MICU1: variants seen among roughly 807,000 people sequenced by gnomAD.
MICU1 encodes the protein mitochondrial calcium uptake 1.
MICU1 carries 45 observed loss-of-function variants against 56.8 expected under a neutral mutation model. That is an observed-to-expected ratio of 0.79 (90% confidence interval 0.62 to 1.02). The LOEUF is 1.02. Ranked by LOEUF, MICU1 falls within the 50% of genes least tolerant of loss-of-function variation. MICU1 has a pLI of 0.00. For missense variants in MICU1, 504 were observed against 587.1 expected (o/e 0.86, Z 1.46); for synonymous variants, 186 against 195.1 (o/e 0.95, Z 0.39).
At chr10:72,493,214 CACACACACAT>C (rs1866725104) in intron 6 of MICU1, among the ~76,000 whole-genome samples, 1 of 151,486 alleles carries the variant, frequency 6.6e-6, no homozygotes, top group African/African-American at 2.4e-5. Flanking sequence ...CACACACACC[CACACACACAT>C]ACACACACAA....
chr10:72,410,796 C>T (rs975911789), intron 9 of MICU1, among the ~76,000 whole-genome samples: 1 of 152,186 alleles, frequency 6.6e-6, no homozygotes, highest in Non-Finnish European at 1.5e-5. Flanking sequence ...TCTCATTATG[C>T]ATACCATAGT....
At chr10:72,480,727 A>C (rs1866268400) in intron 6 of MICU1, among the ~76,000 whole-genome samples, 1 of 152,196 alleles carries the variant, frequency 6.6e-6, no homozygotes, top group Non-Finnish European at 1.5e-5. Context: ...CTCTCTCCAC[A>C]ATTACAGAGG....
intron 1 of MICU1, among the ~76,000 whole-genome samples, chr10:72,586,011 T>TC (rs1426411186): frequency 4.8e-5 from 6 of 124,902 alleles, no homozygotes; most frequent in African/African-American, 1.8e-4. Flanking sequence ...CTTTTTTTTT[T>TC]TCTTTTTTTT....
chr10:72,384,191 C>T (rs568998732), intron 10 of MICU1, among the ~76,000 whole-genome samples: 10 of 152,128 alleles, frequency 6.6e-5, no homozygotes, highest in Non-Finnish European at 1.0e-4. Context: ...GATGGGGTTT[C>T]ACCATGTTGC....
chr10:72,597,140 A>G (rs1002641804), intron 1 of MICU1, among the ~76,000 whole-genome samples: 1 of 152,312 alleles, frequency 6.6e-6, no homozygotes, highest in Non-Finnish European at 1.5e-5. Context: ...ATTTCACACT[A>G]TATGGCATTT....
At chr10:72,600,821 T>A (rs1270281057) in intron 1 of MICU1, among the ~76,000 whole-genome samples, 3 of 152,166 alleles carry the variant, frequency 2.0e-5, no homozygotes, top group Non-Finnish European at 2.9e-5. Context: ...GCAATCAGGT[T>A]CAGTACTATC....
At chr10:72,527,486 C>T (rs1867998896) in intron 5 of MICU1, among the ~76,000 whole-genome samples, 1 of 152,092 alleles carries the variant, frequency 6.6e-6, no homozygotes, top group Non-Finnish European at 1.5e-5. Context: ...CCTTATCCTC[C>T]TGAGTAGCTG....
At chr10:72,495,439 TG>T (rs1279426941) in intron 6 of MICU1, among the ~76,000 whole-genome samples, 1 of 152,142 alleles carries the variant, frequency 6.6e-6, no homozygotes, top group Non-Finnish European at 1.5e-5. Context: ...ATGGATCACC[TG>T]AAGACAGGAG....
At chr10:72,449,719 AT>A (rs1865236338) in intron 8 of MICU1, among the ~76,000 whole-genome samples, 1 of 151,998 alleles carries the variant, frequency 6.6e-6, no homozygotes, top group South Asian at 2.1e-4. Flanking sequence ...GTACTTTTTC[AT>A]TTTTAAAATA....
At chr10:72,432,087 CT>C (rs35109632) in intron 8 of MICU1, among the ~76,000 whole-genome samples, 51,715 of 120,360 alleles carry the variant, frequency 0.43, 12,405 homozygotes, top group Non-Finnish European at 0.61. Context: ...AATGTATTGC[CT>C]TTTTTTTTTT....
At chr10:72,491,733 A>G (rs1866661302) in intron 6 of MICU1, among the ~76,000 whole-genome samples, 1 of 152,220 alleles carries the variant, frequency 6.6e-6, no homozygotes, top group African/African-American at 2.4e-5. Flanking sequence ...GTACATACAT[A>G]CATTCAAGTG....
chr10:72,509,190 C>A (rs565761292), intron 5 of MICU1, among the ~76,000 whole-genome samples: 13 of 152,216 alleles, frequency 8.5e-5, no homozygotes, highest in Admixed American at 2.6e-4. Context: ...AAGTTCTAGA[C>A]CACCAAAAAT....
intron 5 of MICU1, among the ~76,000 whole-genome samples, chr10:72,513,784 T>C (rs1867560982): frequency 6.6e-6 from 1 of 152,148 alleles, no homozygotes; most frequent in African/African-American, 2.4e-5. Flanking sequence ...GTGGACCTTA[T>C]ACCATTTGTT....
intron 6 of MICU1, among the ~76,000 whole-genome samples, chr10:72,492,434 GAC>G (rs1202973446): frequency 5.9e-5 from 9 of 152,080 alleles, no homozygotes; most frequent in African/African-American, 2.2e-4. Context: ...CAATTTTGCT[GAC>G]AGATTGGAAA....
chr10:72,514,458 T>C (rs12412460), intron 5 of MICU1, among the ~76,000 whole-genome samples: 89,480 of 151,884 alleles, frequency 0.59, 27,621 homozygotes, highest in Non-Finnish European at 0.67. Context: ...ATCGCATTCT[T>C]CCCCTTCCTC....
In MICU1 at chr10:72,423,376, G is replaced by A. The variant is rs57559047; in HGVS notation, c.934-5C>T. 6 of 1,613,054 alleles carry A rather than the reference G, an allele frequency of 3.7e-6. No homozygotes were observed. The African/African-American group carries it at 8.0e-5, about 22-fold the overall frequency. On this transcript the variant is annotated splice_polypyrimidine_tract_variant and splice_region_variant and intron_variant, in intron 8 of 11. Coordinates refer to ENST00000361114, the MANE Select transcript of MICU1 (RefSeq NM_001195518.2). ...CACAGGGTCATGGCGTTCAAACTGG[G>A]AGGGAAACAGAAAGAATGTTCCTAG...
At chr10:72,431,332 C>A (rs1864524966) in intron 8 of MICU1, among the ~76,000 whole-genome samples, 1 of 152,076 alleles carries the variant, frequency 6.6e-6, no homozygotes, top group Admixed American at 6.6e-5. Flanking sequence ...GTTTCGCCAT[C>A]TTGCCCAGGC....
At chr10:72,559,425 G>C (rs1840236654) in intron 3 of MICU1, among the ~76,000 whole-genome samples, 1 of 151,510 alleles carries the variant, frequency 6.6e-6, no homozygotes, top group African/African-American at 2.4e-5. Flanking sequence ...ATAAACTACA[G>C]ACTATATAAT....
intron 1 of MICU1, among the ~76,000 whole-genome samples, chr10:72,582,258 A>G (rs1447878535): frequency 6.6e-6 from 1 of 152,200 alleles, no homozygotes; most frequent in Non-Finnish European, 1.5e-5. Context: ...ACAGTATCCT[A>G]TATTAGTCTC....
Sources: allele counts gnomAD v4.1 joint callset (sites outside exome capture counted in the v4.1 genomes callset), GRCh38; gene constraint gnomAD v4.1.1; transcripts MANE v1.5; gene names NCBI Gene and HGNC (gene_info 2026-07-23, HGNC 2026-07-21).